Variants in DENND1A observed in about 807,000 individuals in gnomAD.
DENND1A encodes the protein DENN domain containing 1A.
In DENND1A, 51 loss-of-function variants were observed where a neutral mutation model predicts 113.7. That is an observed-to-expected ratio of 0.45 (90% CI 0.36 to 0.57). DENND1A has a LOEUF of 0.57. DENND1A is among the 20% of genes least tolerant of loss of function. The pLI, the probability that DENND1A is intolerant of heterozygous loss-of-function variation, is 0.00. For missense variants in DENND1A, 1,258 were observed against 1,395.9 expected (o/e 0.90, Z 1.57); for synonymous variants, 565 against 570.8 (o/e 0.99, Z 0.14).
rs187996195 is a variant in DENND1A at position 123,868,028 on chromosome 9, G to A, written c.88+10923C>T. Among the ~76,000 whole-genome samples, 5 of 152,252 alleles carry A rather than the reference G, an allele frequency of 3.3e-5. No homozygotes were observed. The East Asian group carries it at 5.8e-4, about 18-fold the overall frequency. Reference sequence around the variant, plus strand: ...TCTGAAAATATGAGTAGAAAACCTAGATTCAGCAAAACCTAAAGCCAGTTT... The same window carrying A: ...TCTGAAAATATGAGTAGAAAACCTAAATTCAGCAAAACCTAAAGCCAGTTT... On this transcript the variant is annotated intron_variant, in intron 2 of 23. Transcript: ENST00000394215.
intron 9 of DENND1A, among the ~76,000 whole-genome samples, chr9:123,631,171 C>A (rs538532427): frequency 6.6e-6 from 1 of 152,118 alleles, no homozygotes; most frequent in South Asian, 2.1e-4. Context: ...AGGATGGAGG[C>A]TCTTTACACC....
intron 13 of DENND1A, among the ~76,000 whole-genome samples, chr9:123,512,774 A>T (rs1357925132): frequency 2.0e-5 from 3 of 152,238 alleles, no homozygotes; most frequent in Non-Finnish European, 4.4e-5. Flanking sequence ...GTCAGCAGAC[A>T]CTGGTTCAAA....
At chr9:123,485,645 C>CGT (rs2050763762) in intron 13 of DENND1A, 2 of 10,548 alleles carry the variant, frequency 1.9e-4, no homozygotes, top group Non-Finnish European at 5.3e-4. Flanking sequence ...CGTACACACA[C>CGT]GCGCGCGCGC....
chr9:123,897,947 A>C (rs1241855603), intron 1 of DENND1A, among the ~76,000 whole-genome samples: 3 of 140,502 alleles, frequency 2.1e-5, no homozygotes, highest in African/African-American at 8.9e-5. Context: ...CTCAAGCGGA[A>C]AAAAAAAAAA....
intron 19 of DENND1A, among the ~76,000 whole-genome samples, chr9:123,418,580 G>A (rs1245337519): frequency 6.6e-6 from 1 of 152,228 alleles, no homozygotes; most frequent in African/African-American, 2.4e-5. Context: ...GCCAGGTGGT[G>A]ACTTGGGGGC....
intron 12 of DENND1A, among the ~76,000 whole-genome samples, chr9:123,578,684 T>G (rs1398598018): frequency 6.6e-6 from 1 of 152,150 alleles, no homozygotes; most frequent in African/African-American, 2.4e-5. Flanking sequence ...AAAACAAAGA[T>G]GAATAAAACT....
At chr9:123,446,504 T>C (rs552375936) in intron 18 of DENND1A, among the ~76,000 whole-genome samples, 1 of 152,288 alleles carries the variant, frequency 6.6e-6, no homozygotes, top group African/African-American at 2.4e-5. Flanking sequence ...GTGAATTTGC[T>C]CCTTTCAATC....
chr9:123,798,417 A>C (rs1834095956), intron 2 of DENND1A: 1 of 152,336 alleles, frequency 6.6e-6, no homozygotes, highest in African/African-American at 2.4e-5. Context: ...TGAATGTAGT[A>C]CAGTTACCAA....
chr9:123,425,946 G>A (rs1010311014), intron 19 of DENND1A, among the ~76,000 whole-genome samples: 1 of 152,266 alleles, frequency 6.6e-6, no homozygotes, highest in Non-Finnish European at 1.5e-5. Flanking sequence ...CAGTGCAGAT[G>A]CCCATGAAGA....
At chr9:123,596,756 A>G (rs538029530) in intron 11 of DENND1A, among the ~76,000 whole-genome samples, 5 of 152,330 alleles carry the variant, frequency 3.3e-5, no homozygotes, top group African/African-American at 7.2e-5. Flanking sequence ...TAGGGCCAGT[A>G]TAATAGTTTT....
chr9:123,576,057 G>A (rs1327592477), intron 12 of DENND1A, among the ~76,000 whole-genome samples: 3 of 152,018 alleles, frequency 2.0e-5, no homozygotes, highest in Non-Finnish European at 4.4e-5. Context: ...AAAATGTTTT[G>A]GACCTTCAAT....
intron 5 of DENND1A, among the ~76,000 whole-genome samples, chr9:123,713,853 C>T (rs767153631): frequency 6.6e-5 from 10 of 151,936 alleles, no homozygotes; most frequent in Non-Finnish European, 1.5e-5. Context: ...AATATCTTTC[C>T]CAAGGTCATA....
At chr9:123,885,653 C>A (rs1848956562) in intron 1 of DENND1A, among the ~76,000 whole-genome samples, 1 of 152,222 alleles carries the variant, frequency 6.6e-6, no homozygotes, top group Non-Finnish European at 1.5e-5. Flanking sequence ...GAAGGGAGGT[C>A]TGCTCAGTTT....
chr9:123,925,754 C>A (rs1856982877), intron 1 of DENND1A, among the ~76,000 whole-genome samples: 1 of 152,170 alleles, frequency 6.6e-6, no homozygotes, highest in Non-Finnish European at 1.5e-5. Context: ...TCACAGAGGT[C>A]ACAGTTTGAC....
chr9:123,826,237 T>C (rs1839309178), intron 2 of DENND1A, among the ~76,000 whole-genome samples: 1 of 151,960 alleles, frequency 6.6e-6, no homozygotes, highest in Non-Finnish European at 1.5e-5. Flanking sequence ...CCCCTATCTC[T>C]ACAAAAAATA....
intron 1 of DENND1A, chr9:123,928,764 AT>A: frequency 2.0e-6 from 2 of 985,452 alleles, no homozygotes; most frequent in South Asian, 4.7e-5. Context: ...TTGAATAATT[AT>A]TAGTTTCACC....
chr9:123,700,524 G>A (rs1023743863), intron 5 of DENND1A, among the ~76,000 whole-genome samples: 7 of 152,142 alleles, frequency 4.6e-5, no homozygotes, highest in African/African-American at 1.7e-4. Flanking sequence ...AAAATTTGTA[G>A]GGCAGGCCAG....
chr9:123,925,933 C>G (rs1478769147), intron 1 of DENND1A, among the ~76,000 whole-genome samples: 4 of 152,222 alleles, frequency 2.6e-5, no homozygotes, highest in Admixed American at 6.5e-5. Context: ...CGATTACTTA[C>G]AGCCCACTTC....
chr9:123,864,573 A>G (rs56914473), intron 2 of DENND1A, among the ~76,000 whole-genome samples: 2 of 152,304 alleles, frequency 1.3e-5, no homozygotes, highest in African/African-American at 4.8e-5. Flanking sequence ...CGAATGTGAG[A>G]GCGCCTTCCT....
Sources: allele counts gnomAD v4.1 joint callset (sites outside exome capture counted in the v4.1 genomes callset), GRCh38; gene constraint gnomAD v4.1.1; transcripts MANE v1.5; gene names NCBI Gene and HGNC (gene_info 2026-07-23, HGNC 2026-07-21).